CYBA: variants seen among roughly 807,000 people sequenced by gnomAD.
CYBA encodes the protein cytochrome b-245 alpha chain.
Under a neutral mutation model 20.8 loss-of-function variants are expected in CYBA, and 21 were observed. The ratio of observed to expected loss-of-function variants is 1.01; its 90% confidence interval spans 0.72 to 1.46. The LOEUF is 1.46. CYBA is among the 40% of genes most tolerant of loss of function. The pLI, the probability that CYBA is intolerant of heterozygous loss-of-function variation, is 0.00. For missense variants in CYBA, 344 were observed against 287.0 expected (o/e 1.20, Z -1.43); for synonymous variants, 164 against 127.5 (o/e 1.29, Z -1.93).
chr16:88,647,092 GA>G lies in CYBA; in HGVS notation c.203+8del. On this transcript the variant is annotated splice_region_variant and intron_variant, in intron 3 of 5. Transcript: ENST00000261623. ...CCCCGGAGAGACCCCAGAGCAGGAG[GA>G]GACTCACCAGCGCTCCATGGTGGAG... The G allele has an allele frequency of 6.2e-7, 1 of 1,609,202 alleles. No homozygotes were observed.
rs1322924149 is a variant in CYBA, at chr16:88,643,535, G to A, written c.406C>T (p.Pro136Ser). The A allele has an allele frequency of 1.3e-6, 2 of 1,535,148 alleles. No individual in the cohort carries two copies. Among genetic ancestry groups the A allele is most frequent in the Non-Finnish European group, 1.7e-6 (2 of 1,146,828 alleles). The change falls in exon 6 of 6, where the codon CCC becomes TCC. Residue 136 changes from proline (P) to serine (S), a missense_variant. By Grantham distance (74) the Pro-to-Ser change is moderately conservative (BLOSUM62 -1). Transcript: ENST00000261623. The surrounding 1 kb of genome is among the most constrained non-coding windows in gnomAD (Gnocchi z 4.3). ...VRGEQWTPIE[P>S]KPRERPQIGG... ...ATCTGCGGCCGCTCCCGGGGCTTGG[G>A]CTCGATGGGCGTCCACTGCTCGCCA...
intron 1 of CYBA, chr16:88,650,618 G>A: frequency 1.9e-6 from 1 of 526,808 alleles, no homozygotes; most frequent in East Asian, 4.1e-5. Flanking sequence ...GGGGGCTTCG[G>A]GGCGGTGACC....
At chr16:88,650,420 G>C (rs1181262661) in intron 1 of CYBA, 1 of 457,518 alleles carries the variant, frequency 2.2e-6, no homozygotes, top group South Asian at 1.5e-5. Context: ...GGGCAGGGCC[G>C]TCACTGGGTG....
chr16:88,649,081 G>A (rs549986331), intron 1 of CYBA, among the ~76,000 whole-genome samples: 120 of 151,796 alleles, frequency 7.9e-4, no homozygotes, highest in East Asian at 3.1e-3. Context: ...GGGACTATGC[G>A]CGCCTGCCAC....
intron 4 of CYBA, chr16:88,646,533 G>C (rs747021732): frequency 1.4e-6 from 1 of 700,174 alleles, no homozygotes; most frequent in Non-Finnish European, 2.6e-6. Flanking sequence ...AGACCCTGGC[G>C]ACGGATCGGA....
Position 88,643,611 on chromosome 16 carries a change from GCCCTCCCTCCCT to G in CYBA, c.370-52_370-41del, listed in dbSNP as rs751984921. 3.9e-5 allele frequency: 49 copies of G among 1,249,016 alleles called. No individual in the cohort carries two copies. In the Admixed American group the frequency reaches 5.5e-4, roughly 14 times the overall value. 77.4% of individuals were successfully genotyped at this position (1,249,016 alleles called of 1,614,324 possible). ...AGGGTTGAGCCGCGCCCCAGCGCCC[GCCCTCCCTCCCT>G]CCCTCCCTCCCCGGAGGCCCACCCC... On this transcript the variant is annotated intron_variant, in intron 5 of 5. Coordinates refer to ENST00000261623, the MANE Select transcript of CYBA (RefSeq NM_000101.4). This position sits in a 1 kb window ranked among gnomAD's most constrained non-coding sequence, Gnocchi z 4.3.
Position 88,643,673 on chromosome 16 carries a change from A to T in CYBA, c.370-102T>A. 9.0e-7 allele frequency: 1 copy of T among 1,107,742 alleles called. No individual in the cohort carries two copies. Among genetic ancestry groups the T allele is most frequent in the South Asian group, 1.4e-5 (1 of 73,460 alleles). 68.6% of individuals were successfully genotyped at this position (1,107,742 alleles called of 1,614,324 possible). A position where few individuals can be genotyped will look rare whatever the true frequency, so the allele number is the denominator to read the frequency against. ...CGCTAGGGGCCCTGGGACAGGCTCAAGTCTGAATCCCACGCAGGATGGTGT... is the reference window on the plus strand; with the variant it reads ...CGCTAGGGGCCCTGGGACAGGCTCATGTCTGAATCCCACGCAGGATGGTGT... On this transcript the variant is annotated intron_variant, in intron 5 of 5. Transcript: ENST00000261623. This position sits in a 1 kb window ranked among gnomAD's most constrained non-coding sequence, Gnocchi z 4.3.
In CYBA at chr16:88,646,760, A is replaced by G; in HGVS notation, c.282T>C (p.His94=). 1 of 1,613,602 alleles carries G rather than the reference A, an allele frequency of 6.2e-7. No homozygotes were observed. Among genetic ancestry groups the G allele is most frequent in the Non-Finnish European group, 8.5e-7 (1 of 1,179,704 alleles). Reference sequence around the variant, plus strand: ...GGTGCGGGACGGGGACTCACAGGAGATGCAGGACGGCCCGAACATAGTAAT... The same window carrying G: ...GGTGCGGGACGGGGACTCACAGGAGGTGCAGGACGGCCCGAACATAGTAAT... ...TRNYYVRAVL[H]LLLSVPAGFL... is the part of the protein sequence containing the mutation. The change falls in exon 4 of 6, where the codon CAT becomes CAC. Residue 94 remains histidine (H), a synonymous_variant. Coordinates refer to ENST00000261623, the MANE Select transcript of CYBA (RefSeq NM_000101.4).
chr16:88,650,472 A>G (rs887176533), intron 1 of CYBA: 1 of 461,682 alleles, frequency 2.2e-6, no homozygotes, highest in African/African-American at 2.0e-5. Context: ...TCCAGCGCAG[A>G]CTCCAGATGA....
At chr16:88,650,752 T>A (rs1907490888) in intron 1 of CYBA, 1 of 624,282 alleles carries the variant, frequency 1.6e-6, no homozygotes, top group South Asian at 1.8e-5. Context: ...TGCAAGGGAA[T>A]TACTGGGGGT....
At chr16:88,650,867 C>A in intron 1 of CYBA, 89 bp downstream of exon 1, 1 of 1,411,558 alleles carries the variant, frequency 7.1e-7, no homozygotes, top group African/African-American at 1.4e-5. Context: ...CGCCCCACTT[C>A]CCCACCCTGT....
At position 88,643,627 on chromosome 16, in the gene CYBA, T is replaced by TCCCTCCCC. The variant is rs1907171739; in HGVS notation, c.370-64_370-57dup. The TCCCTCCCC allele has an allele frequency of 3.8e-6, 4 of 1,062,646 alleles. No homozygotes were observed. The highest frequency in any genetic ancestry group is 3.9e-5 in the African/African-American group (1 of 25,940). The allele number at this position is 1,062,646 out of a possible 1,614,324, so 65.8% of individuals were successfully genotyped here. A position where few individuals can be genotyped will look rare whatever the true frequency, so the allele number is the denominator to read the frequency against. ...CCAGCGCCCGCCCTCCCTCCCTCCC[T>TCCCTCCCC]CCCTCCCCGGAGGCCCACCCCGCTA... is the stretch of plus-strand genomic sequence containing the variant. On this transcript the variant is annotated intron_variant, in intron 5 of 5. Coordinates refer to ENST00000261623, the MANE Select transcript of CYBA (RefSeq NM_000101.4). This position sits in a 1 kb window ranked among gnomAD's most constrained non-coding sequence, Gnocchi z 4.3.
chr16:88,646,974 T>A, intron 3 of CYBA, 127 bp downstream of exon 3: 1 of 1,197,930 alleles, frequency 8.3e-7, no homozygotes, highest in Non-Finnish European at 1.2e-6. Flanking sequence ...CCGGCCTTGG[T>A]TTACCCACAA....
intron 1 of CYBA, 136 bp from the exon 2 acceptor site, chr16:88,648,250 C>T (rs993907638): frequency 2.4e-5 from 19 of 793,066 alleles, no homozygotes; most frequent in South Asian, 7.7e-5. Flanking sequence ...GTGACAGGGT[C>T]GGGGACACCC....
At chr16:88,647,719 G>A (rs954963137) in intron 2 of CYBA, 12 of 462,344 alleles carry the variant, frequency 2.6e-5, no homozygotes, top group African/African-American at 4.0e-5. Flanking sequence ...TAGAGGGGCC[G>A]GTCAAGGGGG....
intron 5 of CYBA, among the ~76,000 whole-genome samples, chr16:88,644,426 G>A (rs941450532): frequency 6.6e-6 from 1 of 152,222 alleles, no homozygotes; most frequent in African/African-American, 2.4e-5. Context: ...GACTCCACGC[G>A]CCAAGTTAAC....
At chr16:88,645,788 C>T (rs932777250) in intron 5 of CYBA, 7 of 540,308 alleles carry the variant, frequency 1.3e-5, no homozygotes, top group South Asian at 6.8e-5. Context: ...GGTCTTCGGC[C>T]GGCTGCGTGA....
intron 5 of CYBA, among the ~76,000 whole-genome samples, chr16:88,644,269 T>G (rs1329552952): frequency 6.6e-6 from 1 of 152,030 alleles, no homozygotes; most frequent in African/African-American, 2.4e-5. Context: ...ACGGAAACAT[T>G]CCATTCTGAA....
chr16:88,650,912 A>AC (rs1567610930), intron 1 of CYBA, 44 bp downstream of exon 1: 1 of 1,554,958 alleles, frequency 6.4e-7, no homozygotes, highest in East Asian at 2.4e-5. Flanking sequence ...GTCTTGGGAC[A>AC]CCCCTCCAGG....
Sources: allele counts gnomAD v4.1 joint callset (sites outside exome capture counted in the v4.1 genomes callset), GRCh38; gene constraint gnomAD v4.1.1; non-coding constraint Gnocchi (gnomAD v3.1); transcripts MANE v1.5; gene names NCBI Gene and HGNC (gene_info 2026-07-23, HGNC 2026-07-21).